Variants in SPDYE10 observed in about 807,000 individuals in gnomAD.
SPDYE10 encodes speedy protein E10.
At chr7:73,134,566 A>AAAGAAAGAAAGAAAGAAACC in the SPDYE10 span, among the ~76,000 whole-genome samples, 1 of 152,152 alleles carries the variant, frequency 6.6e-6, no homozygotes, top group Non-Finnish European at 1.5e-5. Flanking sequence ...AGAAAGAAAG[A>AAAGAAAGAAAGAAAGAAACC]AACCGTGCAG....
At chr7:73,134,389 G>A in the SPDYE10 span, among the ~76,000 whole-genome samples, 2 of 141,590 alleles carry the variant, frequency 1.4e-5, no homozygotes, top group African/African-American at 5.3e-5. Flanking sequence ...AGGGAGGGGG[G>A]AGGGATAGCA....
chr7:73,135,870 T>C, the SPDYE10 span, among the ~76,000 whole-genome samples: 1 of 103,350 alleles, frequency 9.7e-6, no homozygotes, highest in African/African-American at 3.8e-5. Flanking sequence ...CCGCACCCGG[T>C]CTTTTTTTTT....
chr7:73,114,022 C>T, the SPDYE10 span, among the ~76,000 whole-genome samples: 6 of 109,280 alleles, frequency 5.5e-5, no homozygotes, highest in South Asian at 3.4e-4. Flanking sequence ...AGTGAGACTC[C>T]GTCTCAAAAA....
the SPDYE10 span, among the ~76,000 whole-genome samples, chr7:73,135,533 T>A: frequency 2.1e-4 from 28 of 131,818 alleles, no homozygotes; most frequent in African/African-American, 7.0e-4. Context: ...TCTTTTCTTT[T>A]TTTTTTTTTT....
the SPDYE10 span, among the ~76,000 whole-genome samples, chr7:73,128,253 C>T: frequency 6.8e-6 from 1 of 146,718 alleles, no homozygotes; most frequent in Non-Finnish European, 1.5e-5. Context: ...CAATATGATA[C>T]CAGTTATATA....
the SPDYE10 span, among the ~76,000 whole-genome samples, chr7:73,147,867 C>T: frequency 1.3e-5 from 2 of 151,260 alleles, no homozygotes; most frequent in Non-Finnish European, 1.5e-5. Context: ...AGTGCAATGG[C>T]ATGATCTTGG....
chr7:73,111,909 GCACA>G, the SPDYE10 span, among the ~76,000 whole-genome samples: 1 of 136,928 alleles, frequency 7.3e-6, no homozygotes, highest in Admixed American at 7.1e-5. Context: ...GGGATTATAG[GCACA>G]CACCACTACC....
chr7:73,132,466 G>A, the SPDYE10 span, among the ~76,000 whole-genome samples: 935 of 150,778 alleles, frequency 6.2e-3, no homozygotes, highest in Non-Finnish European at 9.9e-3. Context: ...AGGATCCCTT[G>A]AATCCAGGAT....
chr7:73,150,948 A>ATTTTTTT, the SPDYE10 span, among the ~76,000 whole-genome samples: 4 of 4,940 alleles, frequency 8.1e-4, no homozygotes, highest in African/African-American at 3.6e-3. Context: ...ATATATATAT[A>ATTTTTTT]TTTTTTTTTT....
At chr7:73,150,948 A>ATTT in the SPDYE10 span, among the ~76,000 whole-genome samples, 125 of 4,948 alleles carry the variant, frequency 0.025, 17 homozygotes, top group African/African-American at 0.063. Context: ...ATATATATAT[A>ATTT]TTTTTTTTTT....
At chr7:73,116,866 C>T in the SPDYE10 span, among the ~76,000 whole-genome samples, 1 of 150,018 alleles carries the variant, frequency 6.7e-6, no homozygotes, top group East Asian at 1.9e-4. Flanking sequence ...CAGGCATGAG[C>T]CACTGCACCC....
chr7:73,120,890 G>A, the SPDYE10 span, among the ~76,000 whole-genome samples: 14 of 149,166 alleles, frequency 9.4e-5, no homozygotes. Context: ...GGAGTGCAGT[G>A]GCCCACTGCA....
At chr7:73,113,752 G>C in the SPDYE10 span, among the ~76,000 whole-genome samples, 1 of 151,914 alleles carries the variant, frequency 6.6e-6, no homozygotes, top group Admixed American at 6.5e-5. Context: ...AAAATTAGAC[G>C]GGGCCAGGTG....
At chr7:73,115,194 A>G in the SPDYE10 span, among the ~76,000 whole-genome samples, 2 of 152,182 alleles carry the variant, frequency 1.3e-5, no homozygotes, top group African/African-American at 4.8e-5. Flanking sequence ...CCACACCTGG[A>G]CTGTTCTTTT....
the SPDYE10 span, among the ~76,000 whole-genome samples, chr7:73,135,562 G>T: frequency 9.1e-6 from 1 of 110,252 alleles, no homozygotes. Flanking sequence ...ATCCCACTCT[G>T]TTGGCCAGAC....
the SPDYE10 span, among the ~76,000 whole-genome samples, chr7:73,116,952 G>C: frequency 6.6e-6 from 1 of 152,044 alleles, no homozygotes; most frequent in Admixed American, 6.5e-5. Context: ...CTGGAGTGCA[G>C]TGGTGCAATC....
chr7:73,128,410 G>A, the SPDYE10 span, among the ~76,000 whole-genome samples: 1 of 142,342 alleles, frequency 7.0e-6, no homozygotes, highest in Non-Finnish European at 1.5e-5. Flanking sequence ...ATATAAAAGG[G>A]TTCCATCATT....
the SPDYE10 span, among the ~76,000 whole-genome samples, chr7:73,135,369 C>A: frequency 9.2e-5 from 14 of 151,584 alleles, no homozygotes; most frequent in African/African-American, 3.2e-4. Flanking sequence ...AGGGAGCCTG[C>A]CCTTAAGCAA....
chr7:73,113,955 G>A, the SPDYE10 span, among the ~76,000 whole-genome samples: 3 of 151,650 alleles, frequency 2.0e-5, no homozygotes, highest in African/African-American at 7.3e-5. Flanking sequence ...GAACCCAGGA[G>A]GCGGCACTTG....
Sources: allele counts gnomAD v4.1 joint callset (sites outside exome capture counted in the v4.1 genomes callset), GRCh38; gene constraint gnomAD v4.1.1; transcripts MANE v1.5; gene names NCBI Gene and HGNC (gene_info 2026-07-23, HGNC 2026-07-21).